Variants in ARNT2 observed in about 807,000 individuals in gnomAD.
ARNT2 encodes ARNT protein 2.
A neutral mutation model predicts 91.7 loss-of-function variants in ARNT2; 36 were observed. The observed-to-expected ratio is 0.39, with a 90% CI of 0.30 to 0.52. The LOEUF is 0.52. ARNT2 is among the 20% of genes least tolerant of loss of function. ARNT2 has a pLI of 0.72. For missense variants in ARNT2, 775 were observed against 939.3 expected (o/e 0.83, Z 2.29); for synonymous variants, 365 against 347.1 (o/e 1.05, Z -0.57).
chr15:80,420,170 G>T (rs1429347651), intron 1 of ARNT2, among the ~76,000 whole-genome samples: 2 of 152,080 alleles, frequency 1.3e-5, no homozygotes, highest in Non-Finnish European at 2.9e-5. Flanking sequence ...AAGACCCTAT[G>T]AACATATGAA....
chr15:80,529,333 G>C (rs538110914), intron 8 of ARNT2, among the ~76,000 whole-genome samples: 1 of 152,184 alleles, frequency 6.6e-6, no homozygotes, highest in African/African-American at 2.4e-5. Flanking sequence ...TCACTCTGAT[G>C]AGCTGAAAGC....
rs57969012 is a variant in ARNT2, at chr15:80,597,268, C to T, written c.*3570C>T. ...TAAGCTATGCGAGAATGTGAACGCT[C>T]ACCTTGCTCCGTCACGGTTCTGACC... On this transcript the variant is annotated 3_prime_UTR_variant, in exon 19 of 19. Transcript: ENST00000303329. 214 of 518,478 alleles carry T rather than the reference C, an allele frequency of 4.1e-4. No homozygotes were observed. The highest frequency in any genetic ancestry group is 3.9e-3 in the African/African-American group (203 of 51,906). 32.1% of individuals were successfully genotyped at this position (518,478 alleles called of 1,614,324 possible).
intron 3 of ARNT2, among the ~76,000 whole-genome samples, chr15:80,467,314 T>C (rs997359246): frequency 2.0e-5 from 3 of 152,182 alleles, no homozygotes; most frequent in Non-Finnish European, 4.4e-5. Flanking sequence ...GCAAGAGCTT[T>C]GACACAGATG....
chr15:80,535,226 A>G (rs1005566243), intron 8 of ARNT2, among the ~76,000 whole-genome samples: 1 of 152,168 alleles, frequency 6.6e-6, no homozygotes, highest in Non-Finnish European at 1.5e-5. Context: ...AGTTGTTTAC[A>G]TATTTCTCCT....
intron 5 of ARNT2, among the ~76,000 whole-genome samples, chr15:80,495,078 C>T (rs1021368947): frequency 6.6e-6 from 1 of 151,658 alleles, no homozygotes; most frequent in African/African-American, 2.4e-5. Context: ...TAATCAGGCA[C>T]CCCCACCCCT....
At chr15:80,418,333 C>A (rs1405758486) in intron 1 of ARNT2, among the ~76,000 whole-genome samples, 1 of 152,208 alleles carries the variant, frequency 6.6e-6, no homozygotes, top group Non-Finnish European at 1.5e-5. Flanking sequence ...CCCTACCTTG[C>A]ACTGCCCTGG....
chr15:80,511,842 G>T (rs1897347205), intron 6 of ARNT2, among the ~76,000 whole-genome samples: 1 of 152,028 alleles, frequency 6.6e-6, no homozygotes, highest in African/African-American at 2.4e-5. Flanking sequence ...AACAAGAGAG[G>T]GCGAAGGAAG....
chr15:80,463,052 A>C (rs568641747), intron 3 of ARNT2, among the ~76,000 whole-genome samples: 2 of 152,372 alleles, frequency 1.3e-5, no homozygotes, highest in Admixed American at 1.3e-4. Flanking sequence ...CGTGTCCTGC[A>C]GAGGTCTTTC....
intron 5 of ARNT2, among the ~76,000 whole-genome samples, chr15:80,486,971 G>A (rs1370747644): frequency 6.6e-6 from 1 of 152,128 alleles, no homozygotes; most frequent in Non-Finnish European, 1.5e-5. Flanking sequence ...CCTTCCAGAT[G>A]GGGCTACTGA....
rs544609874 is a variant in ARNT2, at chr15:80,445,423, T to A, written c.32-5457T>A. On this transcript the variant is annotated intron_variant, in intron 1 of 18. Transcript: ENST00000303329. Reference sequence around the variant, plus strand: ...GTATGTGTGTTGAGAGCAGTGGGGATGTGTGTGGTGTGTGTGAGTGTTGTG... The same window carrying A: ...GTATGTGTGTTGAGAGCAGTGGGGAAGTGTGTGGTGTGTGTGAGTGTTGTG... 7.6e-5 allele frequency among the ~76,000 whole-genome samples: 11 copies of A among 144,788 alleles called. No individual in the cohort carries two copies. In the East Asian group the frequency reaches 2.3e-3, roughly 30 times the overall value. The allele number at this position is 144,788 out of a possible 152,430, so 95.0% of individuals were successfully genotyped here. A position where few individuals can be genotyped will look rare whatever the true frequency, so the allele number is the denominator to read the frequency against.
intron 17 of ARNT2, among the ~76,000 whole-genome samples, chr15:80,585,181 G>T (rs1596026249): frequency 6.6e-6 from 1 of 152,246 alleles, no homozygotes; most frequent in African/African-American, 2.4e-5. Context: ...TGTGTTTCCA[G>T]TCTTAGTATC....
intron 4 of ARNT2, among the ~76,000 whole-genome samples, chr15:80,474,036 C>G (rs1896767592): frequency 6.6e-6 from 1 of 152,172 alleles, no homozygotes; most frequent in Non-Finnish European, 1.5e-5. Context: ...CTAGGGAAGA[C>G]TTAGTGCCTG....
chr15:80,546,154 T>C (rs1897986891), intron 8 of ARNT2, among the ~76,000 whole-genome samples: 1 of 152,026 alleles, frequency 6.6e-6, no homozygotes, highest in Non-Finnish European at 1.5e-5. Context: ...ATAAATCTAT[T>C]TTATATCCAA....
intron 5 of ARNT2, among the ~76,000 whole-genome samples, chr15:80,482,200 G>A (rs1371388220): frequency 5.3e-5 from 8 of 152,156 alleles, no homozygotes; most frequent in African/African-American, 9.7e-5. Flanking sequence ...ATGAGCCACC[G>A]CAGTGGGCCA....
At chr15:80,491,425 C>G (rs1199977249) in intron 5 of ARNT2, among the ~76,000 whole-genome samples, 2 of 152,088 alleles carry the variant, frequency 1.3e-5, no homozygotes, top group Admixed American at 1.3e-4. Flanking sequence ...CGTGAAAGAC[C>G]TGCTCCCATG....
intron 12 of ARNT2, among the ~76,000 whole-genome samples, chr15:80,573,224 A>C (rs975416388): frequency 1.3e-5 from 2 of 152,234 alleles, no homozygotes; most frequent in Non-Finnish European, 2.9e-5. Context: ...GTTTTAATTT[A>C]CATTTATTTT....
intron 11 of ARNT2, among the ~76,000 whole-genome samples, chr15:80,558,230 C>A (rs990257702): frequency 1.3e-5 from 2 of 152,018 alleles, no homozygotes; most frequent in Admixed American, 1.3e-4. Flanking sequence ...TGTTTTCCTT[C>A]ATAGCAACTA....
At chr15:80,532,901 A>C (rs1596001375) in intron 8 of ARNT2, among the ~76,000 whole-genome samples, 2 of 152,238 alleles carry the variant, frequency 1.3e-5, no homozygotes, top group African/African-American at 4.8e-5. Context: ...GTGCTTTGAC[A>C]AGATGAAAGT....
At chr15:80,536,813 C>T (rs936776318) in intron 8 of ARNT2, among the ~76,000 whole-genome samples, 2 of 152,150 alleles carry the variant, frequency 1.3e-5, no homozygotes, top group African/African-American at 2.4e-5. Flanking sequence ...GCATCTGTCA[C>T]GGCTGCACAG....
Sources: gnomAD v4.1 joint callset for allele counts (sites outside exome capture counted in the v4.1 genomes callset) on GRCh38, gnomAD v4.1.1 for gene constraint, MANE v1.5 for transcripts, NCBI Gene and HGNC (gene_info 2026-07-23, HGNC 2026-07-21) for gene names.